MAPRE1: variants seen among roughly 807,000 people sequenced by gnomAD.
The protein encoded by MAPRE1 is microtubule-associated protein RP/EB family member 1.
Under a neutral mutation model 32.1 loss-of-function variants are expected in MAPRE1, and 5 were observed. That is an observed-to-expected ratio of 0.16 (90% CI 0.08 to 0.33). The LOEUF is 0.33. MAPRE1 is among the 10% of genes least tolerant of loss of function. The pLI is 1.00. For synonymous variants in MAPRE1, 122 were observed against 118.9 expected (o/e 1.03, Z -0.17); for missense variants, 209 against 327.2 (o/e 0.64, Z 2.79).
intron 2 of MAPRE1, among the ~76,000 whole-genome samples, chr20:32,832,929 C>A (rs577172690): frequency 1.4e-5 from 2 of 140,182 alleles, no homozygotes; most frequent in Admixed American, 1.5e-4. Context: ...GGCAACAGAG[C>A]GAGACTCTGT....
intron 5 of MAPRE1, chr20:32,843,341 A>C (rs941091663): frequency 5.9e-5 from 9 of 152,140 alleles, no homozygotes; most frequent in African/African-American, 1.9e-4. Flanking sequence ...ATCTGCACAC[A>C]CTACCTTGTG....
chr20:32,839,181 T>C (rs1217687495), intron 4 of MAPRE1, among the ~76,000 whole-genome samples: 1 of 152,214 alleles, frequency 6.6e-6, no homozygotes, highest in Non-Finnish European at 1.5e-5. Context: ...TCCCTCCCTC[T>C]TCCACTCCAA....
At chr20:32,819,943 G>GGGCGGGCGGGGTCT (rs1406339868), upstream of MAPRE1, 2 of 150,864 alleles carry the variant, frequency 1.3e-5, no homozygotes, top group Non-Finnish European at 3.0e-5. Context: ...TCGCGCGGGC[G>GGGCGGGCGGGGTCT]GGCGGGCGGG....
At position 32,849,200 on chromosome 20, in the gene MAPRE1, A is replaced by C. The variant is rs1295213112; in HGVS notation, c.*472A>C. 1 of 153,332 alleles carries C rather than the reference A, an allele frequency of 6.5e-6. No individual in the cohort carries two copies. Among genetic ancestry groups the C allele is most frequent in the African/African-American group, 2.4e-5 (1 of 41,464 alleles). 9.5% of individuals were successfully genotyped at this position (153,332 alleles called of 1,614,324 possible). ...CATGACAAGAGATTTTGCGTTTGAC[A>C]TTGTGTCTGGGAAGGAAGGGCCAGA... On this transcript the variant is annotated 3_prime_UTR_variant, in exon 7 of 7. Transcript: ENST00000375571.
At chr20:32,838,736 T>TG (rs1983269599) in intron 4 of MAPRE1, among the ~76,000 whole-genome samples, 1 of 152,182 alleles carries the variant, frequency 6.6e-6, no homozygotes, top group East Asian at 1.9e-4. Flanking sequence ...ACCAGTTGAG[T>TG]GGAGACGTGC....
chr20:32,821,476 C>T (rs1318576104), intron 1 of MAPRE1, among the ~76,000 whole-genome samples: 2 of 152,354 alleles, frequency 1.3e-5, no homozygotes, highest in Non-Finnish European at 2.9e-5. Flanking sequence ...GCTACACATC[C>T]AGATGTGCCC....
intron 2 of MAPRE1, 107 bp downstream of exon 2, chr20:32,826,155 T>C (rs931917183): frequency 1.0e-6 from 1 of 1,001,134 alleles, no homozygotes; most frequent in Non-Finnish European, 1.4e-6. Flanking sequence ...TCAGGGTCTT[T>C]GTTAGGGCCA....
At chr20:32,844,680 G>A (rs929505437) in intron 5 of MAPRE1, among the ~76,000 whole-genome samples, 16 of 152,070 alleles carry the variant, frequency 1.1e-4, no homozygotes, top group African/African-American at 3.9e-4. Flanking sequence ...CCAAAGTGCT[G>A]GGATTACAGG....
At chr20:32,825,662 G>C (rs904773060) in intron 1 of MAPRE1, among the ~76,000 whole-genome samples, 3 of 152,124 alleles carry the variant, frequency 2.0e-5, no homozygotes, top group Non-Finnish European at 4.4e-5. Context: ...GGGTGTGGTG[G>C]TACACGCCTG....
intron 6 of MAPRE1, among the ~76,000 whole-genome samples, chr20:32,847,864 C>T (rs187411645): frequency 3.9e-5 from 6 of 152,256 alleles, no homozygotes; most frequent in African/African-American, 7.2e-5. Context: ...TCCTTGTGCA[C>T]TCAATTTTTC....
chr20:32,847,656 G>GT (rs1204995826), intron 6 of MAPRE1, among the ~76,000 whole-genome samples: 1 of 152,160 alleles, frequency 6.6e-6, no homozygotes, highest in Non-Finnish European at 1.5e-5. Context: ...GGGGTCCTTG[G>GT]TTTAGTCTGA....
chr20:32,822,845 A>G (rs563889499), intron 1 of MAPRE1, among the ~76,000 whole-genome samples: 38 of 152,312 alleles, frequency 2.5e-4, no homozygotes, highest in African/African-American at 8.4e-4. Context: ...GATAATGACA[A>G]TTCATTGTGG....
chr20:32,822,467 C>T (rs947357205), intron 1 of MAPRE1, among the ~76,000 whole-genome samples: 4 of 152,140 alleles, frequency 2.6e-5, no homozygotes, highest in African/African-American at 9.7e-5. Context: ...CAGTGCATCT[C>T]CGTGCAAGAT....
chr20:32,831,418 T>TA (rs1030855658), intron 2 of MAPRE1, among the ~76,000 whole-genome samples: 4 of 152,100 alleles, frequency 2.6e-5, no homozygotes, highest in Non-Finnish European at 4.4e-5. Context: ...CTTTTTTTTT[T>TA]ATTCCTGTAC....
At chr20:32,830,165 G>A (rs766513090) in intron 2 of MAPRE1, among the ~76,000 whole-genome samples, 16 of 151,958 alleles carry the variant, frequency 1.1e-4, no homozygotes, top group Admixed American at 4.6e-4. Flanking sequence ...GGGTTCCTTC[G>A]CAGCAAAGGT....
rs201053901 is a variant in MAPRE1, at chr20:32,828,939, GT to G, written c.121+2901del. On this transcript the variant is annotated intron_variant, in intron 2 of 6. Transcript: ENST00000375571. ...ATAAAGTCTGTGAGGTTTGTCAGTT[GT>G]TTTTTTTTTCTTTTTGAGACTGGAG... Among the ~76,000 whole-genome samples the G allele has an allele frequency of 2.7e-5, 4 of 149,298 alleles. No individual in the cohort carries two copies. In the East Asian group the frequency reaches 5.9e-4, roughly 22 times the overall value.
At chr20:32,823,152 A>G (rs1021763053) in intron 1 of MAPRE1, among the ~76,000 whole-genome samples, 1 of 152,232 alleles carries the variant, frequency 6.6e-6, no homozygotes, top group Non-Finnish European at 1.5e-5. Flanking sequence ...ATTGACCTCT[A>G]CAGACCTCAG....
chr20:32,825,745 G>A (rs1040280333), intron 1 of MAPRE1, among the ~76,000 whole-genome samples, 180 bp from the exon 2 acceptor site: 3 of 152,026 alleles, frequency 2.0e-5, no homozygotes, highest in Non-Finnish European at 4.4e-5. Flanking sequence ...AGTCGAGGTC[G>A]TGCCACTGCA....
intron 3 of MAPRE1, among the ~76,000 whole-genome samples, chr20:32,835,364 G>GTTTTTCTTTTTTTTTT (rs1983162545): frequency 9.4e-6 from 1 of 106,658 alleles, no homozygotes; most frequent in African/African-American, 4.7e-5. Context: ...TTTTATTGGT[G>GTTTTTCTTTTTTTTTT]TTTTTTTTTT....
Sources: gnomAD v4.1 joint callset for allele counts (sites outside exome capture counted in the v4.1 genomes callset) on GRCh38, gnomAD v4.1.1 for gene constraint, MANE v1.5 for transcripts, NCBI Gene and HGNC (gene_info 2026-07-23, HGNC 2026-07-21) for gene names.